The following GKN2 variants were observed in gnomAD, a reference collection of about 807,000 sequenced individuals.
The protein encoded by GKN2 is gastrokine 2, also known as gastrokine-2.
A neutral mutation model predicts 22.7 loss-of-function variants in GKN2; 17 were observed. The observed-to-expected ratio is 0.75, with a 90% CI of 0.51 to 1.13. The LOEUF (loss-of-function observed/expected upper bound fraction) is 1.13. GKN2 is among the 50% of genes most tolerant of loss of function. The pLI, the probability that GKN2 is intolerant of heterozygous loss-of-function variation, is 0.00. For missense variants in GKN2, 248 were observed against 221.4 expected (o/e 1.12, Z -0.76); for synonymous variants, 82 against 79.6 (o/e 1.03, Z -0.16).
At chr2:68,945,832 C>CCAGATGAAT in intron 5 of GKN2, 1 of 219,922 alleles carries the variant, frequency 4.5e-6, no homozygotes, top group Non-Finnish European at 8.9e-6. Flanking sequence ...CATATGTTAC[C>CCAGATGAAT]CAGATGAATC....
chr2:68,951,891 T>C (rs956279775), intron 1 of GKN2, among the ~76,000 whole-genome samples: 1 of 152,258 alleles, frequency 6.6e-6, no homozygotes, highest in Non-Finnish European at 1.5e-5. Flanking sequence ...CTGTGGTTAA[T>C]ACACCATGGT....
At chr2:68,946,062 A>G (rs1481390808) in intron 5 of GKN2, 3 of 422,494 alleles carry the variant, frequency 7.1e-6, no homozygotes, top group African/African-American at 4.1e-5. Flanking sequence ...CCTTTACTCC[A>G]TCCTCTCTTT....
rs376663572 is a variant in GKN2, at chr2:68,950,807, G to A, written c.13-52C>T. 9 of 1,570,124 alleles carry A rather than the reference G, an allele frequency of 5.7e-6. No homozygotes were observed. In the South Asian group the frequency reaches 1.0e-4, roughly 17 times the overall value. On this transcript the variant is annotated intron_variant, in intron 1 of 5. Transcript: ENST00000328895. Reference sequence around the variant, plus strand: ...TCTTTATAGGGTAGTCATTGAGTGTGGGACAGGAGGAAACACTGGACAGGA... The same window carrying A: ...TCTTTATAGGGTAGTCATTGAGTGTAGGACAGGAGGAAACACTGGACAGGA...
chr2:68,951,822 G>T (rs1241385463), intron 1 of GKN2, among the ~76,000 whole-genome samples: 1 of 152,180 alleles, frequency 6.6e-6, no homozygotes, highest in African/African-American at 2.4e-5. Flanking sequence ...CACTTTAATG[G>T]TATGATTAGA....
intron 5 of GKN2, 74 bp from the exon 6 acceptor site, chr2:68,945,524 T>C: frequency 8.9e-7 from 1 of 1,123,762 alleles, no homozygotes; most frequent in Non-Finnish European, 1.3e-6. Flanking sequence ...TAATAATACA[T>C]TAGCTTAAAT....
chr2:68,947,499 A>G (rs534354907), intron 3 of GKN2, among the ~76,000 whole-genome samples: 1 of 152,250 alleles, frequency 6.6e-6, no homozygotes, highest in South Asian at 2.1e-4. Flanking sequence ...TCTGCTTTTC[A>G]TGTCATGGAA....
Position 68,947,161 on chromosome 2 carries a change from T to A in GKN2, c.301A>T (p.Ile101Phe), listed in dbSNP as rs75318938. 3.1e-6 allele frequency: 5 copies of A among 1,608,938 alleles called. No individual in the cohort carries two copies. Among genetic ancestry groups the A allele is most frequent in the Middle Eastern group, 1.7e-4 (1 of 6,046 alleles). Residue 101 changes from isoleucine to phenylalanine, a missense_variant, in exon 4 of 6, where the codon ATC becomes TTC. Ile to Phe is a conservative substitution (Grantham distance 21). Coordinates refer to ENST00000328895, the MANE Select transcript of GKN2 (RefSeq NM_182536.3). ...CCCAGAATTACCTGTTTCTCATAGA[T>A]GTACCATTGGAGATTGTTCAGAGGA... Reference protein sequence around the residue: ...IPPLNNLQWYIYEKQALDNMF... With the variant: ...IPPLNNLQWYFYEKQALDNMF...
At chr2:68,950,978 C>T (rs1257122584) in intron 1 of GKN2, among the ~76,000 whole-genome samples, 2 of 152,132 alleles carry the variant, frequency 1.3e-5, no homozygotes, top group East Asian at 1.9e-4. Flanking sequence ...TTGCCAGACA[C>T]AGGGTGCTAC....
rs374234713 is a variant in GKN2, at chr2:68,950,788, T to C, written c.13-33A>G. 3.1e-6 allele frequency: 5 copies of C among 1,610,308 alleles called. No homozygotes were observed. In the African/African-American group the frequency reaches 4.0e-5, roughly 13 times the overall value. On this transcript the variant is annotated intron_variant, in intron 1 of 5. Coordinates refer to ENST00000328895, the MANE Select transcript of GKN2 (RefSeq NM_182536.3). ...ACAGACCCACCACATCCATTCTTTA[T>C]AGGGTAGTCATTGAGTGTGGGACAG...
At chr2:68,951,153 T>C (rs1669848554) in intron 1 of GKN2, among the ~76,000 whole-genome samples, 1 of 151,990 alleles carries the variant, frequency 6.6e-6, no homozygotes, top group Non-Finnish European at 1.5e-5. Context: ...TCTAAAAAAA[T>C]AATTAATTAA....
chr2:68,952,064 T>C (rs1669862434), intron 1 of GKN2, among the ~76,000 whole-genome samples: 1 of 152,140 alleles, frequency 6.6e-6, no homozygotes, highest in Admixed American at 6.5e-5. Context: ...GGACAGAGAC[T>C]AGGGGAGCGA....
intron 3 of GKN2, among the ~76,000 whole-genome samples, chr2:68,948,268 A>T (rs892596675): frequency 1.4e-5 from 2 of 146,902 alleles, no homozygotes; most frequent in African/African-American, 5.1e-5. Context: ...AAAAAAAAAA[A>T]CTGTGCTGTC....
intron 2 of GKN2, among the ~76,000 whole-genome samples, 172 bp from the exon 3 acceptor site, chr2:68,950,435 C>T (rs967787396): frequency 6.6e-6 from 1 of 152,166 alleles, no homozygotes; most frequent in East Asian, 1.9e-4. Flanking sequence ...CAAAGCTTTT[C>T]CTTAGAGTTT....
At chr2:68,946,590 A>C (rs910063811) in intron 4 of GKN2, 130 bp from the exon 5 acceptor site, 27 of 711,026 alleles carry the variant, frequency 3.8e-5, no homozygotes, top group Non-Finnish European at 5.3e-5. Context: ...TCAAGACATC[A>C]TCTCTTTTTG....
rs556324466 is a variant in GKN2, at chr2:68,946,079, G to C, written c.472+225C>G. On this transcript the variant is annotated intron_variant, in intron 5 of 5. Coordinates refer to ENST00000328895, the MANE Select transcript of GKN2 (RefSeq NM_182536.3). ...TTTACTCCATCCTCTCTTTTCACTT[G>C]TCAGCTTCTTCACTAGACTATGTGT... 29 of 427,706 alleles carry C rather than the reference G, an allele frequency of 6.8e-5. No homozygotes were observed. In the South Asian group the frequency reaches 2.3e-3, roughly 33 times the overall value. The allele number at this position is 427,706 out of a possible 1,614,324, so 26.5% of individuals were successfully genotyped here.
At chr2:68,948,105 G>T in intron 3 of GKN2, among the ~76,000 whole-genome samples, 1 of 151,778 alleles carries the variant, frequency 6.6e-6, no homozygotes. Context: ...ATTTAGCCGG[G>T]CGTGGTGGCG....
intron 2 of GKN2, 26 bp from the exon 3 acceptor site, chr2:68,950,289 T>A (rs1005666210): frequency 2.5e-6 from 4 of 1,596,654 alleles, no homozygotes; most frequent in Non-Finnish European, 3.4e-6. Context: ...AGACAAAATG[T>A]TTTTCCATAA....
Position 68,946,381 on chromosome 2 carries a change from C to G in GKN2, c.395G>C (p.Trp132Ser). ...PLESLIKDVDWFLLGSPIEKL... is the reference protein window; with the variant it reads ...PLESLIKDVDSFLLGSPIEKL... Reference sequence around the variant, plus strand: ...CTCAATGGGTGACCCAAGCAGGAACCAATCCACGTCTTTGATCAGAGACTC... The same window carrying G: ...CTCAATGGGTGACCCAAGCAGGAACGAATCCACGTCTTTGATCAGAGACTC... The change falls in exon 5 of 6, where the codon TGG becomes TCG. Residue 132 changes from tryptophan (W) to serine (S), a missense_variant. Physicochemically the swap from Trp to Ser is radical, Grantham distance 177 (BLOSUM62 -3). Transcript: ENST00000328895. 2 of 1,613,994 alleles carry G rather than the reference C, an allele frequency of 1.2e-6. No homozygotes were observed. The highest frequency in any genetic ancestry group is 2.2e-5 in the South Asian group (2 of 91,034).
chr2:68,949,450 C>T (rs551555930), intron 3 of GKN2, among the ~76,000 whole-genome samples: 7 of 151,978 alleles, frequency 4.6e-5, no homozygotes, highest in East Asian at 3.9e-4. Context: ...GACAGGATCT[C>T]GTTTTGTCAC....
Sources: allele counts gnomAD v4.1 joint callset (sites outside exome capture counted in the v4.1 genomes callset), GRCh38; gene constraint gnomAD v4.1.1; transcripts MANE v1.5; gene names NCBI Gene and HGNC (gene_info 2026-07-23, HGNC 2026-07-21).